DNAI3: variants seen among roughly 807,000 people sequenced by gnomAD.
DNAI3 encodes dynein axonemal intermediate chain 3, also known as WD repeat domain 63.
Under a neutral mutation model 115.5 loss-of-function variants are expected in DNAI3, and 83 were observed. The observed-to-expected ratio is 0.72, with a 90% CI of 0.60 to 0.86. DNAI3 has a LOEUF of 0.86. Among genes scored for constraint, DNAI3 ranks in the 40% least tolerant of loss-of-function variants. DNAI3 has a pLI of 0.00. For missense variants in DNAI3, 1,004 were observed against 1,075.8 expected (o/e 0.93, Z 0.93); for synonymous variants, 320 against 347.0 (o/e 0.92, Z 0.86).
At chr1:85,112,923 CA>C (rs1655699407) in intron 16 of DNAI3, among the ~76,000 whole-genome samples, 5 of 152,158 alleles carry the variant, frequency 3.3e-5, no homozygotes, top group Admixed American at 2.6e-4. Context: ...CATGTGCCAC[CA>C]AGCCCAGCTA....
At chr1:85,079,077 G>A (rs1223428748) in intron 3 of DNAI3, among the ~76,000 whole-genome samples, 3 of 152,138 alleles carry the variant, frequency 2.0e-5, no homozygotes, top group Admixed American at 1.3e-4. Context: ...CCTTCTTTTC[G>A]GCACTAGCAC....
At chr1:85,126,395 T>C in intron 19 of DNAI3, 116 bp from the exon 20 acceptor site, 5 of 1,077,370 alleles carry the variant, frequency 4.6e-6, no homozygotes, top group Non-Finnish European at 6.5e-6. Context: ...GTGGGCATAA[T>C]TTTGTTGTTA....
chr1:85,072,071 T>C (rs1654293232), intron 2 of DNAI3, 66 bp downstream of exon 2: 1 of 1,431,100 alleles, frequency 7.0e-7, no homozygotes, highest in Non-Finnish European at 9.6e-7. Flanking sequence ...AGCAGCAAAA[T>C]GATTATGGTT....
rs182400933 is a variant in DNAI3 at position 85,078,782 on chromosome 1, C to A, written c.104-2452C>A. 2.6e-5 allele frequency among the ~76,000 whole-genome samples: 4 copies of A among 152,304 alleles called. No homozygotes were observed. The East Asian group carries it at 5.8e-4, about 22-fold the overall frequency. On this transcript the variant is annotated intron_variant, in intron 3 of 22. Coordinates refer to ENST00000294664, the MANE Select transcript of DNAI3 (RefSeq NM_145172.5). ...TGATCTGTTGGCTGCCAGTTATCTG[C>A]AGTTATCACTGTTTGCCAACTCGAA...
intron 7 of DNAI3, among the ~76,000 whole-genome samples, chr1:85,088,394 T>G (rs1654861139): frequency 6.6e-6 from 1 of 152,040 alleles, no homozygotes; most frequent in South Asian, 2.1e-4. Context: ...GGTTTAAACC[T>G]AGGTGACTGG....
chr1:85,109,043 C>G (rs1050790189), intron 15 of DNAI3, among the ~76,000 whole-genome samples: 6 of 152,132 alleles, frequency 3.9e-5, no homozygotes, highest in African/African-American at 1.4e-4. Flanking sequence ...TCCTTCTGTA[C>G]GTTTTTTGGG....
Position 85,101,842 on chromosome 1 carries a change from TGAAA to T in DNAI3, c.1480-2677_1480-2674del, listed in dbSNP as rs1454058034. Among the ~76,000 whole-genome samples, 38 of 151,944 alleles carry T rather than the reference TGAAA, an allele frequency of 2.5e-4. No individual in the cohort carries two copies. In the South Asian group the frequency reaches 7.7e-3, roughly 31 times the overall value. ...GATAGTTTTCAAAGATGATTAATGTTGAAAGAAATCAGAAAGGAATGATTGACAG... is the reference window on the plus strand; with the variant it reads ...GATAGTTTTCAAAGATGATTAATGTTGAAATCAGAAAGGAATGATTGACAG... On this transcript the variant is annotated intron_variant, in intron 13 of 22. Transcript: ENST00000294664.
intron 1 of DNAI3, among the ~76,000 whole-genome samples, chr1:85,064,944 A>T (rs1654049214): frequency 6.6e-6 from 1 of 152,166 alleles, no homozygotes; most frequent in Non-Finnish European, 1.5e-5. Context: ...GAGGCAGGAG[A>T]ATCGCTTGAA....
Position 85,124,226 on chromosome 1 carries a change from T to C in DNAI3, c.2087T>C (p.Val696Ala), listed in dbSNP as rs1557727128. ...ATTCTCACGGTTGGAGGTTGGAACG[T>C]GGCCATATGGAAAGAAGGTGTTATG... ...DIILTVGGWNVAIWKEGVMTG... is the reference protein window; with the variant it reads ...DIILTVGGWNAAIWKEGVMTG... The change falls in exon 19 of 23, where the codon GTG becomes GCG. Residue 696 changes from valine (V) to alanine (A), a missense_variant. Physicochemically the swap from Val to Ala is moderately conservative, Grantham distance 64. Coordinates refer to ENST00000294664, the MANE Select transcript of DNAI3 (RefSeq NM_145172.5). The C allele has an allele frequency of 6.2e-7, 1 of 1,607,014 alleles. No individual in the cohort carries two copies. The highest frequency in any genetic ancestry group is 2.2e-5 in the East Asian group (1 of 44,602).
chr1:85,109,403 T>C (rs2100598690), intron 15 of DNAI3, among the ~76,000 whole-genome samples: 1 of 152,306 alleles, frequency 6.6e-6, no homozygotes, highest in East Asian at 1.9e-4. Context: ...AAAGAGAAGA[T>C]TATAAATTTG....
At chr1:85,107,911 A>C (rs1655537074) in intron 14 of DNAI3, 122 bp from the exon 15 acceptor site, 1 of 625,690 alleles carries the variant, frequency 1.6e-6, no homozygotes. Flanking sequence ...TAAAAATCTT[A>C]GTTTCAGATA....
intron 14 of DNAI3, among the ~76,000 whole-genome samples, chr1:85,107,630 T>C (rs1019826998): frequency 1.3e-5 from 2 of 152,202 alleles, no homozygotes; most frequent in Admixed American, 1.3e-4. Flanking sequence ...ATGAGGTTTT[T>C]TGGTGAGGTG....
chr1:85,095,816 C>T (rs1430891333), intron 10 of DNAI3, 115 bp from the exon 11 acceptor site: 2 of 978,230 alleles, frequency 2.0e-6, no homozygotes, highest in African/African-American at 1.6e-5. Flanking sequence ...ACTCTCTACG[C>T]ACCTTGCTTA....
intron 1 of DNAI3, among the ~76,000 whole-genome samples, chr1:85,066,820 GA>G (rs949335718): frequency 5.9e-5 from 9 of 151,960 alleles, no homozygotes; most frequent in African/African-American, 2.4e-5. Context: ...TTAATTTTAT[GA>G]AAAAAACTTC....
At chr1:85,103,888 A>AAATAATAAT (rs71075819) in intron 13 of DNAI3, among the ~76,000 whole-genome samples, 406 of 140,434 alleles carry the variant, frequency 2.9e-3, no homozygotes, top group African/African-American at 3.2e-3. Context: ...TGCCTTCTCA[A>AAATAATAAT]AATAATAATA....
rs111476073 is a variant in DNAI3, at chr1:85,065,965, G to A, written c.-15+3479G>A. Among the ~76,000 whole-genome samples the A allele has an allele frequency of 5.1e-3, 782 of 152,268 alleles. 14 individuals are homozygous for A. The highest frequency in any genetic ancestry group is 0.018 in the African/African-American group (753 of 41,550). ...ATGCAGGGTTCCTCGTAATCAAGTG[G>A]TGCACCATCACAGGTTTTGATCTGT... On this transcript the variant is annotated intron_variant, in intron 1 of 22. Transcript: ENST00000294664.
At chr1:85,129,790 A>G (rs1457659307) in intron 21 of DNAI3, among the ~76,000 whole-genome samples, 200 bp from the exon 22 acceptor site, 1 of 152,178 alleles carries the variant, frequency 6.6e-6, no homozygotes, top group Non-Finnish European at 1.5e-5. Context: ...ATATTCACCT[A>G]AAAGATTTAA....
intron 20 of DNAI3, among the ~76,000 whole-genome samples, chr1:85,127,491 C>G (rs709780): frequency 0.21 from 31,797 of 152,044 alleles, 3,595 homozygotes; most frequent in African/African-American, 0.3. Flanking sequence ...CCTGCTTCAG[C>G]CTCCCAAAGT....
chr1:85,117,796 T>G lies in DNAI3; in HGVS notation c.1854T>G (p.Ser618Arg), dbSNP rs764622021. 8.7e-5 allele frequency: 140 copies of G among 1,613,794 alleles called. No individual in the cohort carries two copies. In the Middle Eastern group the frequency reaches 9.9e-4, roughly 11 times the overall value. Residue 618 changes from serine to arginine, a missense_variant, in exon 17 of 23, where the codon AGT becomes AGG. Around this residue, in one of 3 missense-constraint regions of DNAI3, gnomAD observed 429 missense variants for 454.3 expected, o/e 0.94. Transcript: ENST00000294664. ...TGAACCCGTATCATAATCTGGAAAGTGGGATGGCCAATCTTCTCAAGCCAA... is the reference window on the plus strand; with the variant it reads ...TGAACCCGTATCATAATCTGGAAAGGGGGATGGCCAATCTTCTCAAGCCAA... Reference protein sequence around the residue: ...EEMNPYHNLESGMANLLKPID... With the variant: ...EEMNPYHNLERGMANLLKPID...
Sources: gnomAD v4.1 joint callset for allele counts (sites outside exome capture counted in the v4.1 genomes callset) on GRCh38, gnomAD v4.1.1 for gene constraint, gnomAD v4.1.1 regional missense constraint, MANE v1.5 for transcripts, NCBI Gene and HGNC (gene_info 2026-07-23, HGNC 2026-07-21) for gene names.